Variants in TSC2 observed in about 807,000 individuals in gnomAD.
The protein encoded by TSC2 is TSC complex subunit 2.
Under a neutral mutation model 202.2 loss-of-function variants are expected in TSC2, and 29 were observed. The ratio of observed to expected loss-of-function variants is 0.14; its 90% CI spans 0.11 to 0.20. The LOEUF (loss-of-function observed/expected upper bound fraction) is 0.20, where lower values mean the gene tolerates loss of function less well. Among genes scored for constraint, TSC2 ranks in the 10% least tolerant of loss-of-function variants. The probability of loss-of-function intolerance (pLI) is 1.00; values close to 1 mark genes in which losing one functional copy is unlikely to be tolerated. For missense variants in TSC2, 2,429 were observed against 2,420.0 expected (o/e 1.00, Z -0.08); for synonymous variants, 1,349 against 1,044.0 (o/e 1.29, Z -5.63).
chr16:2,054,546 C>A, intron 5 of TSC2, 106 bp downstream of exon 5: 1 of 1,546,030 alleles, frequency 6.5e-7, no homozygotes, highest in South Asian at 1.1e-5. Flanking sequence ...CAGGGATGGC[C>A]TGCAGCGGGT....
At chr16:2,054,525 G>A (rs2085529221) in intron 5 of TSC2, 85 bp downstream of exon 5, 1 of 1,593,012 alleles carries the variant, frequency 6.3e-7, no homozygotes, top group Non-Finnish European at 8.6e-7. Context: ...CTGGGGAGGG[G>A]CTGCCGTTCT....
chr16:2,086,071 G>T, intron 36 of TSC2, 122 bp from the exon 37 acceptor site: 2 of 1,163,990 alleles, frequency 1.7e-6, no homozygotes, highest in South Asian at 1.3e-5. Flanking sequence ...GGAATGGATG[G>T]TCTTGTCTGC....
rs1060504119 is a variant in TSC2 at position 2,079,590 on chromosome 16, G to A, written c.3318G>A (p.Lys1106=). The A allele has an allele frequency of 1.9e-6, 3 of 1,611,562 alleles. No homozygotes were observed. The highest frequency in any genetic ancestry group is 3.3e-5 in the Admixed American group (2 of 59,866). The stretch of plus-strand genomic sequence containing the variant: ...CCGGGGTGCATGTGAGACAGACCAA[G>A]GAGGCGCCGGCCAAGCTGGAGTCCC... The part of the protein sequence containing the change: ...SSPGVHVRQT[K]EAPAKLESQA... Residue 1106 remains lysine, a synonymous_variant, in exon 29 of 42, where the codon AAG becomes AAA. Transcript: ENST00000219476. The surrounding 1 kb of genome is among the most constrained non-coding windows in gnomAD (Gnocchi z 4.6).
At position 2,086,339 on chromosome 16, in the gene TSC2, C is replaced by T. The variant is rs147578602; in HGVS notation, c.4809C>T (p.Asp1603=). Reference sequence around the variant, plus strand: ...GAGGCCTGGACGTGTGTGGTGAGGACGGCCAGTTCACCTACTGCTGGCACG... The same window carrying T: ...GAGGCCTGGACGTGTGTGGTGAGGATGGCCAGTTCACCTACTGCTGGCACG... ...YLGGLDVCGE[D]GQFTYCWHDD... Residue 1603 remains aspartate (D), a synonymous_variant, in exon 37 of 42, where the codon GAC becomes GAT. Transcript: ENST00000219476. 210 of 1,612,904 alleles carry T rather than the reference C, an allele frequency of 1.3e-4. 1 individual carries two copies. Among genetic ancestry groups the T allele is most frequent in the Admixed American group, 2.8e-4 (17 of 60,008 alleles).
In TSC2 at chr16:2,061,910, C is replaced by T. The variant is rs1307333182; in HGVS notation, c.1159C>T (p.Leu387=). ...GGAGCTCAGGACCATCGTCCATGAC[C>T]TGTTGACCACGGTGGAGGAGCTGTG... ...SPELRTIVHD[L]LTTVEELCDQ... is the part of the protein sequence containing the mutation. The change falls in exon 12 of 42, where the codon CTG becomes TTG. Residue 387 remains leucine (L), a synonymous_variant. Coordinates refer to ENST00000219476, the MANE Select transcript of TSC2 (RefSeq NM_000548.5). 2 of 1,614,108 alleles carry T rather than the reference C, an allele frequency of 1.2e-6. No individual in the cohort carries two copies. Among genetic ancestry groups the T allele is most frequent in the Non-Finnish European group, 1.7e-6 (2 of 1,180,048 alleles).
intron 22 of TSC2, chr16:2,074,793 A>T (rs931913596): frequency 9.5e-6 from 3 of 315,320 alleles, no homozygotes; most frequent in African/African-American, 6.4e-5. Context: ...CAGGCCCTCA[A>T]TGTTGAGATG....
At chr16:2,072,123 G>C (rs547054194) in intron 19 of TSC2, 118 bp from the exon 20 acceptor site, 207 of 1,578,536 alleles carry the variant, frequency 1.3e-4, no homozygotes, top group Admixed American at 5.5e-4. Flanking sequence ...CCCCGGCTGA[G>C]AACAGGGCTC....
intron 16 of TSC2, among the ~76,000 whole-genome samples, chr16:2,069,409 T>C (rs185388886): frequency 4.6e-5 from 7 of 152,152 alleles, no homozygotes; most frequent in South Asian, 2.1e-4. Context: ...CTCCGCCTCC[T>C]GGGTTCAAGC....
chr16:2,082,859 G>A (rs1030650310), intron 32 of TSC2: 7 of 430,976 alleles, frequency 1.6e-5, no homozygotes, highest in Non-Finnish European at 2.2e-5. Flanking sequence ...GGCCTGCACC[G>A]AGCGGGCCTT....
At chr16:2,054,024 G>A in intron 4 of TSC2, 1 of 541,568 alleles carries the variant, frequency 1.8e-6, no homozygotes, top group Non-Finnish European at 3.3e-6. Context: ...GGTCGGGCAG[G>A]AGCTGTGTCA....
intron 4 of TSC2, 30 bp from the exon 5 acceptor site, chr16:2,054,266 C>T (rs1329594645): frequency 6.2e-7 from 1 of 1,614,026 alleles, no homozygotes; most frequent in South Asian, 1.1e-5. Flanking sequence ...CGCTGGCAGG[C>T]TCTGCTGATC....
chr16:2,056,023 C>G, intron 6 of TSC2, 173 bp from the exon 7 acceptor site: 1 of 737,484 alleles, frequency 1.4e-6, no homozygotes, highest in East Asian at 2.7e-5. Flanking sequence ...ACACCCAGCA[C>G]CGAGAGCAGT....
intron 3 of TSC2, among the ~76,000 whole-genome samples, chr16:2,052,494 G>T (rs148749758): frequency 2.0e-5 from 3 of 152,078 alleles, no homozygotes; most frequent in Non-Finnish European, 4.4e-5. Flanking sequence ...ATTTTTTGTC[G>T]TGACAGGGTC....
At chr16:2,063,746 T>G (rs2086926285) in intron 14 of TSC2, 1 of 236,266 alleles carries the variant, frequency 4.2e-6, no homozygotes, top group Non-Finnish European at 8.4e-6. Context: ...GAAGTTCCTC[T>G]GGGTCCTCTG....
intron 1 of TSC2, 188 bp from the exon 2 acceptor site, chr16:2,048,399 T>G: frequency 1.2e-6 from 1 of 854,988 alleles, no homozygotes; most frequent in Non-Finnish European, 1.9e-6. Flanking sequence ...AGGCCTGGTG[T>G]CTCCCGGGCT....
intron 21 of TSC2, among the ~76,000 whole-genome samples, chr16:2,073,215 G>A (rs554038671): frequency 2.0e-5 from 3 of 152,298 alleles, no homozygotes; most frequent in East Asian, 1.9e-4. Context: ...TGTCCACCCC[G>A]GACAGCATCT....
At chr16:2,087,124 GCA>G (rs2090912443) in intron 38 of TSC2, 1 of 575,552 alleles carries the variant, frequency 1.7e-6, no homozygotes, top group South Asian at 1.9e-5. Context: ...TGCTGGGTGG[GCA>G]CAGTGTAGTT....
rs1027773484 is a variant in TSC2 at position 2,083,698 on chromosome 16, C to T, written c.3887C>T (p.Ser1296Phe). Residue 1296 changes from serine (S) to phenylalanine (F), a missense_variant, in exon 33 of 42, where the codon TCC becomes TTC. Physicochemically the swap from Ser to Phe is radical, Grantham distance 155. Coordinates refer to ENST00000219476, the MANE Select transcript of TSC2 (RefSeq NM_000548.5). Reference sequence around the variant, plus strand: ...AGCCCCGTCTGTGTCCTCCCAGACTCCGCCGTGGTCATGGAGGAGGGAAGT... The same window carrying T: ...AGCCCCGTCTGTGTCCTCCCAGACTTCGCCGTGGTCATGGAGGAGGGAAGT... ...QLHRSVSWADSAVVMEEGSPG... is the reference protein window; with the variant it reads ...QLHRSVSWADFAVVMEEGSPG... 1.3e-6 allele frequency: 2 copies of T among 1,581,872 alleles called. No individual in the cohort carries two copies. Among genetic ancestry groups the T allele is most frequent in the Non-Finnish European group, 1.7e-6 (2 of 1,164,672 alleles).
At chr16:2,077,087 C>G (rs1161617715) in intron 25 of TSC2, among the ~76,000 whole-genome samples, 2 of 152,376 alleles carry the variant, frequency 1.3e-5, no homozygotes, top group Admixed American at 1.3e-4. Context: ...CCAGCGTGAC[C>G]TCAACTCGGA....
Sources: allele counts gnomAD v4.1 joint callset (sites outside exome capture counted in the v4.1 genomes callset), GRCh38; gene constraint gnomAD v4.1.1; non-coding constraint Gnocchi (gnomAD v3.1); transcripts MANE v1.5; gene names NCBI Gene and HGNC (gene_info 2026-07-23, HGNC 2026-07-21).